The following ADAMTS17 variants were observed in gnomAD, a reference collection of about 807,000 sequenced individuals.
The protein encoded by ADAMTS17 is ADAM metallopeptidase with thrombospondin type 1 motif 17.
A neutral mutation model predicts 141.5 loss-of-function variants in ADAMTS17; 113 were observed. The observed-to-expected ratio is 0.80, with a 90% CI of 0.69 to 0.93. ADAMTS17 has a LOEUF of 0.93. Ranked by LOEUF, ADAMTS17 falls within the 40% of genes least tolerant of loss-of-function variation. The probability of loss-of-function intolerance (pLI) is 0.00; values close to 1 mark genes in which losing one functional copy is unlikely to be tolerated. For missense variants in ADAMTS17, 1,659 were observed against 1,517.9 expected (o/e 1.09, Z -1.54); for synonymous variants, 768 against 630.6 (o/e 1.22, Z -3.27).
chr15:100,030,959 C>T (rs965907932), intron 18 of ADAMTS17, among the ~76,000 whole-genome samples: 1 of 152,166 alleles, frequency 6.6e-6, no homozygotes, highest in Non-Finnish European at 1.5e-5. Flanking sequence ...TGTTCATCAT[C>T]GATATAGTTT....
intron 7 of ADAMTS17, among the ~76,000 whole-genome samples, chr15:100,238,395 CT>C (rs2042724741): frequency 6.6e-6 from 1 of 152,196 alleles, no homozygotes; most frequent in Non-Finnish European, 1.5e-5. Context: ...GAGCAACGGC[CT>C]TTGTTTGGTG....
chr15:100,036,639 C>A (rs1301507716), intron 18 of ADAMTS17, among the ~76,000 whole-genome samples: 1 of 152,248 alleles, frequency 6.6e-6, no homozygotes, highest in Non-Finnish European at 1.5e-5. Context: ...ATGCAACCAT[C>A]TGAAGCGCAC....
intron 18 of ADAMTS17, among the ~76,000 whole-genome samples, chr15:100,016,450 T>C (rs1246306227): frequency 6.6e-6 from 1 of 152,226 alleles, no homozygotes; most frequent in Non-Finnish European, 1.5e-5. Context: ...TGTTTTGTCA[T>C]ATTACCAGAG....
chr15:100,102,681 G>A (rs139759652), intron 14 of ADAMTS17, among the ~76,000 whole-genome samples: 121 of 152,292 alleles, frequency 7.9e-4, no homozygotes, highest in East Asian at 3.7e-3. Context: ...TAACTAGTGC[G>A]AGGGAAATTG....
chr15:100,172,277 C>T (rs1438203273), intron 8 of ADAMTS17, among the ~76,000 whole-genome samples: 1 of 149,116 alleles, frequency 6.7e-6, no homozygotes. Context: ...ATGACCTGGG[C>T]ATGTGGATTT....
chr15:100,155,696 C>T (rs1412367939), intron 8 of ADAMTS17, among the ~76,000 whole-genome samples: 1 of 152,152 alleles, frequency 6.6e-6, no homozygotes, highest in Admixed American at 6.5e-5. Flanking sequence ...TGTTTCTGTT[C>T]CTTAGAGATA....
At chr15:100,281,521 G>T (rs1482192330) in intron 3 of ADAMTS17, 120 bp from the exon 4 acceptor site, 3 of 1,304,554 alleles carry the variant, frequency 2.3e-6, no homozygotes, top group East Asian at 2.5e-5. Context: ...GGCCTAGAGG[G>T]GCCCAGCACC....
At chr15:100,171,104 C>A (rs2040143349) in intron 8 of ADAMTS17, among the ~76,000 whole-genome samples, 1 of 152,074 alleles carries the variant, frequency 6.6e-6, no homozygotes, top group African/African-American at 2.4e-5. Flanking sequence ...CTTCCTATAC[C>A]CTTCAAAGGC....
At chr15:100,176,521 T>C (rs74521081) in intron 8 of ADAMTS17, among the ~76,000 whole-genome samples, 6,748 of 152,252 alleles carry the variant, frequency 0.044, 169 homozygotes, top group East Asian at 0.13. Context: ...CACAGGTAGG[T>C]TGCATGCACC....
At chr15:100,140,254 C>G (rs572552224) in intron 10 of ADAMTS17, among the ~76,000 whole-genome samples, 4 of 152,040 alleles carry the variant, frequency 2.6e-5, no homozygotes, top group African/African-American at 7.2e-5. Context: ...CCTTGGCCCC[C>G]CAAAGTGCTG....
intron 8 of ADAMTS17, among the ~76,000 whole-genome samples, chr15:100,181,373 G>A (rs1428850372): frequency 6.6e-6 from 1 of 152,202 alleles, no homozygotes; most frequent in Non-Finnish European, 1.5e-5. Context: ...CTTTTCTCAA[G>A]CAGAAGGAGT....
chr15:100,058,797 G>A (rs1656949686), intron 15 of ADAMTS17, among the ~76,000 whole-genome samples: 1 of 152,224 alleles, frequency 6.6e-6, no homozygotes, highest in African/African-American at 2.4e-5. Context: ...GTCAGGAAGA[G>A]GGCTACTGGA....
At chr15:100,254,035 A>G (rs2043244121) in intron 7 of ADAMTS17, 101 bp downstream of exon 7, 3 of 1,088,552 alleles carry the variant, frequency 2.8e-6, no homozygotes, top group Non-Finnish European at 4.3e-6. Flanking sequence ...CAGAATGTGC[A>G]GTGCTTGTTT....
chr15:100,201,339 C>G (rs1425768572), intron 7 of ADAMTS17, among the ~76,000 whole-genome samples: 5 of 152,132 alleles, frequency 3.3e-5, no homozygotes, highest in African/African-American at 1.2e-4. Flanking sequence ...CCCCTCCCCC[C>G]TCTCTCCTGC....
chr15:100,162,375 A>ACC lies in ADAMTS17; in HGVS notation c.1182-7056_1182-7055insGG, dbSNP rs2039732429. Among the ~76,000 whole-genome samples, 10 of 147,708 alleles carry ACC rather than the reference A, an allele frequency of 6.8e-5. No individual in the cohort carries two copies. In the Admixed American group the frequency reaches 6.8e-4, roughly 10 times the overall value. ...TATATATAACTATATAGTTATATAT[A>ACC]TGTTATATATATAACTATCTATATG... On this transcript the variant is annotated intron_variant, in intron 8 of 21. Transcript: ENST00000268070.
At chr15:100,196,102 T>C (rs1399728126) in intron 8 of ADAMTS17, among the ~76,000 whole-genome samples, 2 of 152,234 alleles carry the variant, frequency 1.3e-5, no homozygotes, top group Non-Finnish European at 2.9e-5. Flanking sequence ...ATGTTATTAA[T>C]TCATGGCTGA....
chr15:100,219,988 T>G (rs4965289), intron 7 of ADAMTS17, among the ~76,000 whole-genome samples: 24,519 of 152,204 alleles, frequency 0.16, 2,084 homozygotes, highest in Admixed American at 0.18. Context: ...GGTACAATTT[T>G]ATTATTCCCA....
At chr15:100,008,705 G>A (rs139261368) in intron 18 of ADAMTS17, among the ~76,000 whole-genome samples, 416 of 152,330 alleles carry the variant, frequency 2.7e-3, no homozygotes, top group African/African-American at 9.5e-3. Context: ...AAAGCGAGAT[G>A]GATCAGAGTT....
At chr15:100,336,986 GC>G (rs1727104520) in intron 2 of ADAMTS17, among the ~76,000 whole-genome samples, 1 of 152,112 alleles carries the variant, frequency 6.6e-6, no homozygotes, top group African/African-American at 2.4e-5. Flanking sequence ...CGATTCTCCT[GC>G]CTCAGCCTCC....
Sources: gnomAD v4.1 joint callset for allele counts (sites outside exome capture counted in the v4.1 genomes callset) on GRCh38, gnomAD v4.1.1 for gene constraint, MANE v1.5 for transcripts, NCBI Gene and HGNC (gene_info 2026-07-23, HGNC 2026-07-21) for gene names.